CACNA1E: variants seen among roughly 807,000 people sequenced by gnomAD.
The protein encoded by CACNA1E is voltage-dependent R-type calcium channel subunit alpha-1E.
CACNA1E carries 40 observed loss-of-function variants against 259.2 expected under a neutral mutation model. The observed-to-expected ratio is 0.15, with a 90% CI of 0.12 to 0.20. The LOEUF is 0.20. Ranked by LOEUF, CACNA1E falls within the 10% of genes least tolerant of loss-of-function variation. The pLI is 1.00. For missense variants in CACNA1E, 1,874 were observed against 3,040.1 expected (o/e 0.62, Z 9.02); for synonymous variants, 1,104 against 1,138.5 (o/e 0.97, Z 0.61).
At chr1:181,580,884 A>G in intron 6 of CACNA1E, 108 bp downstream of exon 6, 1 of 920,388 alleles carries the variant, frequency 1.1e-6, no homozygotes, top group Non-Finnish European at 1.7e-6. Flanking sequence ...CTATGGATAT[A>G]GGTGTATTGG....
chr1:181,660,063 T>C (rs1261555901), intron 7 of CACNA1E, among the ~76,000 whole-genome samples: 1 of 152,222 alleles, frequency 6.6e-6, no homozygotes, highest in Non-Finnish European at 1.5e-5. Flanking sequence ...ACGTATACAA[T>C]GTGACCCGGT....
At chr1:181,331,849 A>G (rs1338240293) in intron 1 of CACNA1E, among the ~76,000 whole-genome samples, 2 of 152,182 alleles carry the variant, frequency 1.3e-5, no homozygotes, top group Non-Finnish European at 2.9e-5. Context: ...TCCTTTCCCA[A>G]TTGCTAGTTT....
intron 6 of CACNA1E, among the ~76,000 whole-genome samples, chr1:181,647,683 T>G (rs964175477): frequency 6.6e-6 from 1 of 152,182 alleles, no homozygotes; most frequent in African/African-American, 2.4e-5. Flanking sequence ...GTTTTAATAA[T>G]GATGAATCAG....
chr1:181,649,189 A>G (rs760215568), intron 6 of CACNA1E, among the ~76,000 whole-genome samples: 1 of 152,190 alleles, frequency 6.6e-6, no homozygotes, highest in Non-Finnish European at 1.5e-5. Context: ...GTTTTCTCTG[A>G]GGTCTGGCCC....
intron 7 of CACNA1E, among the ~76,000 whole-genome samples, chr1:181,669,223 G>A (rs1030956120): frequency 2.6e-5 from 4 of 152,300 alleles, no homozygotes; most frequent in Admixed American, 1.3e-4. Context: ...AAACTCAACT[G>A]CTAGCTTCAC....
At chr1:181,724,656 C>G in intron 17 of CACNA1E, 119 bp downstream of exon 17, 1 of 744,454 alleles carries the variant, frequency 1.3e-6, no homozygotes, top group African/African-American at 1.7e-5. Context: ...AAGGCCCTTT[C>G]TGGAAACTTC....
chr1:181,739,107 A>T, intron 24 of CACNA1E, 40 bp from the exon 25 acceptor site: 1 of 1,246,870 alleles, frequency 8.0e-7, no homozygotes, highest in Non-Finnish European at 1.2e-6. Context: ...TGTTGCCCAC[A>T]CTTTCTTGGC....
chr1:181,450,324 C>T (rs1661071847), intron 2 of CACNA1E, among the ~76,000 whole-genome samples: 1 of 152,160 alleles, frequency 6.6e-6, no homozygotes, highest in Non-Finnish European at 1.5e-5. Flanking sequence ...GAGTGCCCAA[C>T]CCCATCTTGG....
At chr1:181,716,634 G>A (rs1653926308) in intron 10 of CACNA1E, among the ~76,000 whole-genome samples, 1 of 152,144 alleles carries the variant, frequency 6.6e-6, no homozygotes, top group Non-Finnish European at 1.5e-5. Context: ...AGAGATTCTG[G>A]CTGATGGCAG....
At chr1:181,323,893 G>A (rs565374455) in intron 1 of CACNA1E, among the ~76,000 whole-genome samples, 1 of 152,268 alleles carries the variant, frequency 6.6e-6, no homozygotes, top group South Asian at 2.1e-4. Context: ...AGAGTCCTAG[G>A]TTCATCCAGG....
chr1:181,482,265 G>A (rs1306459272), upstream of CACNA1E, among the ~76,000 whole-genome samples: 1 of 152,240 alleles, frequency 6.6e-6, no homozygotes, highest in African/African-American at 2.4e-5. Context: ...CTAGGGCGGC[G>A]GCGGGCCCGT....
At chr1:181,380,225 C>A (rs1252124762) in intron 1 of CACNA1E, among the ~76,000 whole-genome samples, 1 of 151,748 alleles carries the variant, frequency 6.6e-6, no homozygotes, top group Non-Finnish European at 1.5e-5. Flanking sequence ...TTGGATAAAA[C>A]AAGACCCAAC....
chr1:181,403,908 A>G (rs965023455), intron 1 of CACNA1E, among the ~76,000 whole-genome samples: 1 of 152,132 alleles, frequency 6.6e-6, no homozygotes, highest in African/African-American at 2.4e-5. Flanking sequence ...CTCAGCTGGC[A>G]GTGATGTGGT....
intron 7 of CACNA1E, among the ~76,000 whole-genome samples, chr1:181,683,778 TTG>T (rs1650231791): frequency 6.6e-6 from 1 of 152,234 alleles, no homozygotes. Flanking sequence ...TCATTCTTTT[TTG>T]TGTCTGCATA....
chr1:181,545,224 T>C (rs1184760025), intron 3 of CACNA1E, among the ~76,000 whole-genome samples: 1 of 152,216 alleles, frequency 6.6e-6, no homozygotes, highest in Non-Finnish European at 1.5e-5. Flanking sequence ...GAGCCTTGCC[T>C]GTGTCTGAAA....
At chr1:181,757,264 A>G in intron 30 of CACNA1E, 138 bp downstream of exon 30, 1 of 653,514 alleles carries the variant, frequency 1.5e-6, no homozygotes, top group Non-Finnish European at 2.6e-6. Context: ...GTAACTATTC[A>G]GCCATTAAAT....
At chr1:181,503,007 C>T (rs956752709) in intron 1 of CACNA1E, among the ~76,000 whole-genome samples, 3 of 152,166 alleles carry the variant, frequency 2.0e-5, no homozygotes, top group African/African-American at 7.2e-5. Flanking sequence ...CCAGGCCAGG[C>T]CTGTTTGAAC....
At chr1:181,761,237 C>T (rs1236166705) in intron 32 of CACNA1E, among the ~76,000 whole-genome samples, 1 of 152,162 alleles carries the variant, frequency 6.6e-6, no homozygotes, top group Non-Finnish European at 1.5e-5. Context: ...ATGTTCATAA[C>T]CTTCTGAGTG....
At chr1:181,586,821 G>C (rs1006795747) in intron 6 of CACNA1E, among the ~76,000 whole-genome samples, 1 of 152,216 alleles carries the variant, frequency 6.6e-6, no homozygotes, top group Non-Finnish European at 1.5e-5. Context: ...TGAGGGCTAA[G>C]AACCACTGAA....
Sources: allele counts gnomAD v4.1 joint callset (sites outside exome capture counted in the v4.1 genomes callset), GRCh38; gene constraint gnomAD v4.1.1; transcripts MANE v1.5; gene names NCBI Gene and HGNC (gene_info 2026-07-23, HGNC 2026-07-21).